Variants in PTPRT observed in about 807,000 individuals in gnomAD.
The protein encoded by PTPRT is receptor-type tyrosine-protein phosphatase T.
Under a neutral mutation model 176.8 loss-of-function variants are expected in PTPRT, and 56 were observed. The ratio of observed to expected loss-of-function variants is 0.32; its 90% CI spans 0.26 to 0.40. The LOEUF is 0.40. Among genes scored for constraint, PTPRT ranks in the 10% least tolerant of loss-of-function variants. The pLI is 1.00. For synonymous variants in PTPRT, 783 were observed against 739.0 expected (o/e 1.06, Z -0.96); for missense variants, 1,540 against 1,908.2 (o/e 0.81, Z 3.60).
At chr20:42,611,061 C>T (rs371881112) in intron 7 of PTPRT, among the ~76,000 whole-genome samples, 18 of 152,082 alleles carry the variant, frequency 1.2e-4, no homozygotes, top group African/African-American at 3.1e-4. Flanking sequence ...TTAATTTATC[C>T]GATCATCAGC....
intron 14 of PTPRT, among the ~76,000 whole-genome samples, chr20:42,247,458 G>A (rs568153462): frequency 6.6e-6 from 1 of 151,964 alleles, no homozygotes; most frequent in South Asian, 2.1e-4. Flanking sequence ...GTAGGAGCTG[G>A]AATTAGTTGT....
chr20:42,319,501 G>C (rs1442302276), intron 11 of PTPRT, among the ~76,000 whole-genome samples: 1 of 152,044 alleles, frequency 6.6e-6, no homozygotes, highest in Non-Finnish European at 1.5e-5. Context: ...AACTCCTTCA[G>C]GCCCATGCAT....
intron 17 of PTPRT, among the ~76,000 whole-genome samples, chr20:42,143,364 G>A (rs1988714911): frequency 6.6e-6 from 1 of 152,002 alleles, no homozygotes; most frequent in East Asian, 1.9e-4. Flanking sequence ...GACCATCCTG[G>A]CTTAACACGG....
chr20:42,859,839 G>A (rs896721805), intron 2 of PTPRT, among the ~76,000 whole-genome samples: 42 of 151,204 alleles, frequency 2.8e-4, no homozygotes, highest in African/African-American at 7.8e-4. Context: ...TGATCCACCC[G>A]CCTGGGCCTC....
At chr20:42,692,339 A>T (rs1209384631) in intron 6 of PTPRT, among the ~76,000 whole-genome samples, 1 of 152,236 alleles carries the variant, frequency 6.6e-6, no homozygotes, top group African/African-American at 2.4e-5. Flanking sequence ...TAAAATGAAT[A>T]ACAGGTTATA....
chr20:42,836,220 C>T (rs1473895731), intron 2 of PTPRT, among the ~76,000 whole-genome samples: 1 of 152,132 alleles, frequency 6.6e-6, no homozygotes, highest in African/African-American at 2.4e-5. Flanking sequence ...CTCCCCGCCT[C>T]CCACATAGGG....
chr20:42,775,371 C>T (rs1054271686), intron 4 of PTPRT, among the ~76,000 whole-genome samples: 3 of 152,050 alleles, frequency 2.0e-5, no homozygotes, highest in Non-Finnish European at 2.9e-5. Context: ...TCTGTGGGCT[C>T]GGGGACACGG....
chr20:43,023,579 G>A (rs140534281), intron 1 of PTPRT, among the ~76,000 whole-genome samples: 119 of 152,300 alleles, frequency 7.8e-4, no homozygotes, highest in Non-Finnish European at 1.6e-3. Flanking sequence ...GAGGCCGGCT[G>A]GTTACTTGGC....
intron 22 of PTPRT, among the ~76,000 whole-genome samples, chr20:42,113,644 G>C (rs531551482): frequency 1.3e-5 from 2 of 152,338 alleles, no homozygotes; most frequent in Non-Finnish European, 2.9e-5. Flanking sequence ...TCAGCTCTAG[G>C]CTAGACTTCA....
In PTPRT at chr20:42,248,800, G is replaced by A; in HGVS notation, c.2199C>T (p.Asn733=). 3.1e-6 allele frequency: 5 copies of A among 1,614,054 alleles called. No individual in the cohort carries two copies. The highest frequency in any genetic ancestry group is 4.2e-6 in the Non-Finnish European group (5 of 1,179,938). ...CCACCTGCTTCTCTGGCTCCACAGT[G>A]TTAGAATTCTGGGTGGAGGCACCTA... ...ATKGASTQNS[N]TVEPEKQVDN... Residue 733 remains asparagine (N), a synonymous_variant, in exon 14 of 31, where the codon AAC becomes AAT. Coordinates refer to ENST00000373187, the MANE Select transcript of PTPRT (RefSeq NM_007050.6).
intron 2 of PTPRT, among the ~76,000 whole-genome samples, chr20:42,844,547 A>G (rs924583958): frequency 6.6e-6 from 1 of 152,156 alleles, no homozygotes; most frequent in African/African-American, 2.4e-5. Flanking sequence ...TTGGTCAAAA[A>G]AACAATTTGG....
At chr20:42,464,265 G>A (rs957154300) in intron 8 of PTPRT, among the ~76,000 whole-genome samples, 1 of 152,248 alleles carries the variant, frequency 6.6e-6, no homozygotes, top group East Asian at 1.9e-4. Context: ...ATTCAACAAC[G>A]AGCCCATACT....
At chr20:42,750,233 T>C (rs1310427787) in intron 6 of PTPRT, among the ~76,000 whole-genome samples, 1 of 152,140 alleles carries the variant, frequency 6.6e-6, no homozygotes, top group African/African-American at 2.4e-5. Flanking sequence ...AAACATTCCT[T>C]AATAGTAATG....
chr20:42,085,294 G>T (rs1474741734), intron 28 of PTPRT, among the ~76,000 whole-genome samples: 2 of 152,096 alleles, frequency 1.3e-5, no homozygotes, highest in East Asian at 3.9e-4. Context: ...TTCATAGATT[G>T]CTAATCTGCC....
At chr20:43,091,003 G>A (rs554401398) in intron 1 of PTPRT, among the ~76,000 whole-genome samples, 2 of 152,312 alleles carry the variant, frequency 1.3e-5, no homozygotes, top group South Asian at 2.1e-4. Context: ...GGCCGAGGCG[G>A]GCAGATCACT....
intron 2 of PTPRT, among the ~76,000 whole-genome samples, chr20:42,849,666 C>T (rs1156798951): frequency 2.0e-5 from 3 of 152,168 alleles, no homozygotes; most frequent in Non-Finnish European, 4.4e-5. Flanking sequence ...GGGGAAAAGT[C>T]ACTTAGACTC....
At chr20:42,317,857 A>G (rs961814054) in intron 11 of PTPRT, among the ~76,000 whole-genome samples, 1 of 152,228 alleles carries the variant, frequency 6.6e-6, no homozygotes, top group Non-Finnish European at 1.5e-5. Flanking sequence ...CAGCAGCTCA[A>G]TGACCATGCC....
intron 1 of PTPRT, among the ~76,000 whole-genome samples, chr20:43,151,215 A>T (rs1237652751): frequency 6.6e-6 from 1 of 151,616 alleles, no homozygotes; most frequent in Non-Finnish European, 1.5e-5. Context: ...CTGAGGCAGG[A>T]GAATTGCTTG....
chr20:42,087,614 G>A (rs548198736), intron 27 of PTPRT, among the ~76,000 whole-genome samples: 13 of 149,856 alleles, frequency 8.7e-5, no homozygotes, highest in African/African-American at 1.7e-4. Context: ...GGTGGCTTAC[G>A]CCTGTAATCC....
Sources: gnomAD v4.1 joint callset for allele counts (sites outside exome capture counted in the v4.1 genomes callset) on GRCh38, gnomAD v4.1.1 for gene constraint, MANE v1.5 for transcripts, NCBI Gene and HGNC (gene_info 2026-07-23, HGNC 2026-07-21) for gene names.